The following TMEM45A variants were observed in gnomAD, a reference collection of about 807,000 sequenced individuals.
TMEM45A encodes DNA polymerase-transactivated protein 4.
Under a neutral mutation model 32.0 loss-of-function variants are expected in TMEM45A, and 25 were observed. The ratio of observed to expected loss-of-function variants is 0.78; its 90% CI spans 0.57 to 1.09. TMEM45A has a LOEUF of 1.09. Ranked by LOEUF, TMEM45A falls within the 50% of genes least tolerant of loss-of-function variation. The pLI is 0.00. For missense variants in TMEM45A, 302 were observed against 325.0 expected, an observed-to-expected ratio of 0.93 and a Z score of 0.54; for synonymous variants, 122 against 114.8, an observed-to-expected ratio of 1.06 and a Z score of -0.40.
intron 1 of TMEM45A, among the ~76,000 whole-genome samples, chr3:100,541,504 T>TTTTTC (rs969202356): frequency 2.7e-5 from 4 of 150,762 alleles, no homozygotes; most frequent in South Asian, 2.1e-4. Context: ...AATTGTTTTC[T>TTTTTC]TTTTCTTTTC....
At chr3:100,550,039 C>T (rs1490926783) in intron 1 of TMEM45A, among the ~76,000 whole-genome samples, 3 of 100,220 alleles carry the variant, frequency 3.0e-5, no homozygotes, top group Non-Finnish European at 5.5e-5. Context: ...ACTCTGGGGA[C>T]TGTGGTGGGG....
At chr3:100,535,980 G>GTTCTCCTA (rs1338854223) in intron 1 of TMEM45A, among the ~76,000 whole-genome samples, 2 of 152,126 alleles carry the variant, frequency 1.3e-5, no homozygotes, top group Non-Finnish European at 2.9e-5. Flanking sequence ...TTTCACCAAG[G>GTTCTCCTA]TTCTCCTAGA....
intron 4 of TMEM45A, among the ~76,000 whole-genome samples, chr3:100,566,227 C>CTATTGTTCAAGT (rs1706434777): frequency 1.3e-5 from 2 of 152,136 alleles, no homozygotes; most frequent in Non-Finnish European, 2.9e-5. Flanking sequence ...CTACTATGAA[C>CTATTGTTCAAGT]ACTCATGTAC....
intron 5 of TMEM45A, chr3:100,574,336 G>A (rs1706637240): frequency 6.6e-6 from 1 of 152,174 alleles, no homozygotes; most frequent in Admixed American, 6.5e-5. Flanking sequence ...CGATCCCACA[G>A]AAATACAAAC....
chr3:100,540,668 A>G (rs1444513168), intron 1 of TMEM45A, among the ~76,000 whole-genome samples: 1 of 152,202 alleles, frequency 6.6e-6, no homozygotes, highest in Non-Finnish European at 1.5e-5. Context: ...ATCTAGGAGC[A>G]CCATACAATT....
At chr3:100,542,986 A>G (rs577440860) in intron 1 of TMEM45A, among the ~76,000 whole-genome samples, 2 of 152,274 alleles carry the variant, frequency 1.3e-5, no homozygotes, top group East Asian at 1.9e-4. Flanking sequence ...CCTCAGCATG[A>G]TGCACTATAC....
At chr3:100,557,337 G>C (rs1312654140) in intron 3 of TMEM45A, among the ~76,000 whole-genome samples, 20 of 152,088 alleles carry the variant, frequency 1.3e-4, no homozygotes, top group Admixed American at 1.3e-3. Context: ...CTAAAATGAG[G>C]CAGCCACTCA....
chr3:100,529,412 A>T (rs1257870844), intron 1 of TMEM45A, among the ~76,000 whole-genome samples: 1 of 152,132 alleles, frequency 6.6e-6, no homozygotes, highest in Non-Finnish European at 1.5e-5. Context: ...GAAGAGATGG[A>T]GACTCAAAGA....
At position 100,576,858 on chromosome 3, in the gene TMEM45A, G is replaced by A. The variant is rs902038398; in HGVS notation, c.735-67G>A. The stretch of plus-strand genomic sequence containing the variant: ...ATAATCTAGACTTTGTGGTATAATG[G>A]GTGCATATTGCTCTGGGTTTCTATT... On this transcript the variant is annotated intron_variant, in intron 5 of 5. Transcript: ENST00000323523. The A allele has an allele frequency of 4.4e-6, 5 of 1,133,780 alleles. No individual in the cohort carries two copies. In the East Asian group the frequency reaches 9.4e-5, roughly 21 times the overall value. 70.2% of individuals were successfully genotyped at this position (1,133,780 alleles called of 1,614,324 possible).
intron 1 of TMEM45A, among the ~76,000 whole-genome samples, chr3:100,526,448 A>G (rs975638831): frequency 1.3e-5 from 2 of 152,204 alleles, no homozygotes; most frequent in Non-Finnish European, 2.9e-5. Flanking sequence ...AAGAATATTA[A>G]CAACAGCTCA....
chr3:100,549,116 A>G (rs1346502485), intron 1 of TMEM45A, among the ~76,000 whole-genome samples: 1 of 152,028 alleles, frequency 6.6e-6, no homozygotes, highest in Non-Finnish European at 1.5e-5. Flanking sequence ...GTATGGTGGC[A>G]TGCGCCTGTA....
chr3:100,575,261 A>G (rs1005862384), intron 5 of TMEM45A, among the ~76,000 whole-genome samples: 54 of 152,028 alleles, frequency 3.6e-4, no homozygotes, highest in Non-Finnish European at 5.9e-5. Context: ...TCTTTCTCAC[A>G]TCAGAGAAGT....
chr3:100,518,167 G>T (rs967389165), intron 1 of TMEM45A, among the ~76,000 whole-genome samples: 7 of 152,192 alleles, frequency 4.6e-5, no homozygotes, highest in Admixed American at 3.3e-4. Flanking sequence ...TCTGCTGAAA[G>T]ATTCATTTTG....
chr3:100,568,919 A>G lies in TMEM45A; in HGVS notation c.686A>G (p.Tyr229Cys), dbSNP rs1490711119. The part of the protein sequence containing the change: ...LFLTICFCWH[Y>C]AVTIVIVGMN... ...CTCACCATATGCTTTTGTTGGCATT[A>G]TGCAGTAACCATTGTCATCGTTGGA... The change falls in exon 5 of 6, where the codon TAT (tyrosine) becomes TGT (cysteine). Residue 229 changes from tyrosine (Y) to cysteine (C), a missense_variant. By Grantham distance (194) the Tyr-to-Cys change is radical. Coordinates refer to ENST00000323523, the MANE Select transcript of TMEM45A (RefSeq NM_018004.3). 2 of 1,613,878 alleles carry G rather than the reference A, an allele frequency of 1.2e-6. No homozygotes were observed. The highest frequency in any genetic ancestry group is 2.7e-5 in the African/African-American group (2 of 74,938).
intron 1 of TMEM45A, among the ~76,000 whole-genome samples, chr3:100,540,130 C>T (rs1383659677): frequency 6.6e-6 from 1 of 152,072 alleles, no homozygotes; most frequent in Non-Finnish European, 1.5e-5. Flanking sequence ...AAATTTAAAA[C>T]TTCTGTTTTT....
chr3:100,565,474 T>C (rs1472686929), intron 4 of TMEM45A, among the ~76,000 whole-genome samples: 1 of 152,224 alleles, frequency 6.6e-6, no homozygotes, highest in East Asian at 1.9e-4. Flanking sequence ...AAGTGTTTTT[T>C]TTTCTTGTAA....
At chr3:100,500,669 C>T (rs1418189953) in intron 1 of TMEM45A, among the ~76,000 whole-genome samples, 3 of 152,204 alleles carry the variant, frequency 2.0e-5, no homozygotes, top group Admixed American at 1.3e-4. Context: ...CAGCCTGGGC[C>T]CCTCTGGTGC....
rs114261622 is a variant in TMEM45A at position 100,554,151 on chromosome 3, C to T, written c.-3-1058C>T. ...ATATGTTTCAACAAAGGGCTACTCA[C>T]GTAATTAAAAACTCACATAATTCTT... is the stretch of plus-strand genomic sequence containing the variant. On this transcript the variant is annotated intron_variant, in intron 1 of 5. Transcript: ENST00000323523. 1.4e-3 allele frequency among the ~76,000 whole-genome samples: 218 copies of T among 151,576 alleles called. 2 individuals are homozygous for T. Among genetic ancestry groups the T allele is most frequent in the African/African-American group, 4.8e-3 (199 of 41,338 alleles).
At chr3:100,557,041 A>G (rs559992360) in intron 3 of TMEM45A, 69 bp downstream of exon 3, 28 of 1,485,402 alleles carry the variant, frequency 1.9e-5, no homozygotes, top group Admixed American at 5.0e-5. Context: ...CTTCATATTA[A>G]TATACCTCTG....
Sources: allele counts gnomAD v4.1 joint callset (sites outside exome capture counted in the v4.1 genomes callset), GRCh38; gene constraint gnomAD v4.1.1; transcripts MANE v1.5; gene names NCBI Gene and HGNC (gene_info 2026-07-23, HGNC 2026-07-21).